Variants in HS6ST3 observed in about 807,000 individuals in gnomAD.
HS6ST3 encodes the protein heparan-sulfate 6-O-sulfotransferase 3.
Under a neutral mutation model 36.7 loss-of-function variants are expected in HS6ST3, and 12 were observed. That is an observed-to-expected ratio of 0.33 (90% CI 0.21 to 0.53). The LOEUF is 0.53. Among genes scored for constraint, HS6ST3 ranks in the 20% least tolerant of loss-of-function variants. The pLI is 0.95. For synonymous variants in HS6ST3, 240 were observed against 257.5 expected (o/e 0.93, Z 0.65); for missense variants, 584 against 640.9 (o/e 0.91, Z 0.96).
At chr13:96,541,381 A>G (rs2056177187) in intron 1 of HS6ST3, among the ~76,000 whole-genome samples, 1 of 152,122 alleles carries the variant, frequency 6.6e-6, no homozygotes, top group African/African-American at 2.4e-5. Context: ...ACTGAGGCCC[A>G]GAAAGAAGTG....
chr13:96,789,160 GT>G (rs550632580), intron 1 of HS6ST3, among the ~76,000 whole-genome samples: 167 of 151,506 alleles, frequency 1.1e-3, no homozygotes, highest in Non-Finnish European at 1.8e-3. Context: ...TTCTCTATCA[GT>G]TTTTAAATAT....
intron 1 of HS6ST3, among the ~76,000 whole-genome samples, chr13:96,728,754 CAT>C (rs952703563): frequency 1.1e-4 from 17 of 152,138 alleles, no homozygotes; most frequent in African/African-American, 4.1e-4. Context: ...ACACATGAAA[CAT>C]AATCATGTTC....
intron 1 of HS6ST3, among the ~76,000 whole-genome samples, chr13:96,818,866 G>C (rs974087416): frequency 2.0e-5 from 3 of 152,178 alleles, no homozygotes; most frequent in African/African-American, 7.2e-5. Flanking sequence ...GTCTACAAGG[G>C]TTGTATCAAA....
intron 1 of HS6ST3, among the ~76,000 whole-genome samples, chr13:96,515,056 A>G (rs944749285): frequency 6.6e-6 from 1 of 152,222 alleles, no homozygotes; most frequent in Non-Finnish European, 1.5e-5. Context: ...AATTTGATCT[A>G]TCTCTATGTG....
At position 96,308,370 on chromosome 13, in the gene HS6ST3, G is replaced by C. The variant is rs899391475; in HGVS notation, c.707+216801G>C. Among the ~76,000 whole-genome samples, 8 of 152,088 alleles carry C rather than the reference G, an allele frequency of 5.3e-5. No homozygotes were observed. The East Asian group carries it at 1.4e-3, about 26-fold the overall frequency. On this transcript the variant is annotated intron_variant, in intron 1 of 1. Transcript: ENST00000376705. The stretch of plus-strand genomic sequence containing the variant: ...ATTAGACAGAGAATATTTATTGCTG[G>C]TACTGGAACAATGCTTTAAATGTCA...
intron 1 of HS6ST3, among the ~76,000 whole-genome samples, chr13:96,287,598 A>G (rs1441870531): frequency 3.3e-5 from 5 of 152,158 alleles, no homozygotes; most frequent in Non-Finnish European, 7.3e-5. Flanking sequence ...GCTGAACATA[A>G]TTACAATATT....
At chr13:96,250,056 A>T (rs929391018) in intron 1 of HS6ST3, among the ~76,000 whole-genome samples, 11 of 152,208 alleles carry the variant, frequency 7.2e-5, no homozygotes, top group Admixed American at 7.2e-4. Context: ...AATGCCACTG[A>T]ACTGTAACAC....
chr13:96,126,854 GTTTT>G (rs1230090733), intron 1 of HS6ST3, among the ~76,000 whole-genome samples: 1 of 152,052 alleles, frequency 6.6e-6, no homozygotes. Flanking sequence ...TATGCCTTCA[GTTTT>G]TCACCTCTCT....
At chr13:96,411,695 G>C (rs1250715234) in intron 1 of HS6ST3, among the ~76,000 whole-genome samples, 1 of 152,178 alleles carries the variant, frequency 6.6e-6, no homozygotes, top group Non-Finnish European at 1.5e-5. Flanking sequence ...CCTGATTAGA[G>C]GCAGGGCAAT....
chr13:96,327,986 G>A (rs1203688180), intron 1 of HS6ST3, among the ~76,000 whole-genome samples: 2 of 142,918 alleles, frequency 1.4e-5, no homozygotes, highest in Non-Finnish European at 3.1e-5. Flanking sequence ...CTGTTTGTCT[G>A]TTGTTGGTGT....
At chr13:96,608,107 A>G (rs2056445381) in intron 1 of HS6ST3, among the ~76,000 whole-genome samples, 1 of 152,208 alleles carries the variant, frequency 6.6e-6, no homozygotes, top group Non-Finnish European at 1.5e-5. Flanking sequence ...TTGCGTTCAT[A>G]ATGATATTTA....
intron 1 of HS6ST3, among the ~76,000 whole-genome samples, chr13:96,442,186 T>G (rs1275614048): frequency 1.3e-5 from 2 of 152,044 alleles, no homozygotes; most frequent in African/African-American, 4.8e-5. Context: ...CATACCCAAC[T>G]AATTTTTTGT....
chr13:96,389,149 CTAGACTTGTA>C (rs1441846405), intron 1 of HS6ST3, among the ~76,000 whole-genome samples: 1 of 152,068 alleles, frequency 6.6e-6, no homozygotes, highest in Non-Finnish European at 1.5e-5. Flanking sequence ...TTGCTATATA[CTAGACTTGTA>C]TATAGCATAA....
chr13:96,684,869 A>G (rs1020910818), intron 1 of HS6ST3, among the ~76,000 whole-genome samples: 2 of 152,228 alleles, frequency 1.3e-5, no homozygotes, highest in Admixed American at 1.3e-4. Context: ...GCTTCCCAGG[A>G]CAGTGACAGT....
At chr13:96,605,899 TA>T (rs1232659773) in intron 1 of HS6ST3, among the ~76,000 whole-genome samples, 1 of 149,040 alleles carries the variant, frequency 6.7e-6, no homozygotes, top group Non-Finnish European at 1.5e-5. Flanking sequence ...AAAAAAAAAT[TA>T]AAAAATGGGC....
chr13:96,119,999 G>T (rs1211925810), intron 1 of HS6ST3, among the ~76,000 whole-genome samples: 1 of 152,142 alleles, frequency 6.6e-6, no homozygotes, highest in South Asian at 2.1e-4. Flanking sequence ...ACCTTATTTG[G>T]AAATAAGATG....
At chr13:96,223,802 C>A (rs560132535) in intron 1 of HS6ST3, among the ~76,000 whole-genome samples, 20 of 151,758 alleles carry the variant, frequency 1.3e-4, no homozygotes, top group Non-Finnish European at 2.9e-4. Context: ...TGTAACTGAC[C>A]CTGATAGTTG....
At chr13:96,520,833 T>G (rs1331939041) in intron 1 of HS6ST3, among the ~76,000 whole-genome samples, 1 of 152,228 alleles carries the variant, frequency 6.6e-6, no homozygotes, top group African/African-American at 2.4e-5. Context: ...TTGAATATCC[T>G]TTATTGCTTT....
At chr13:96,178,798 C>G (rs943694405) in intron 1 of HS6ST3, among the ~76,000 whole-genome samples, 1 of 152,006 alleles carries the variant, frequency 6.6e-6, no homozygotes, top group Non-Finnish European at 1.5e-5. Context: ...CTGGAATCAC[C>G]CCCTGGGCAC....
Sources: allele counts gnomAD v4.1 joint callset (sites outside exome capture counted in the v4.1 genomes callset), GRCh38; gene constraint gnomAD v4.1.1; transcripts MANE v1.5; gene names NCBI Gene and HGNC (gene_info 2026-07-23, HGNC 2026-07-21).